The following DOCK8 variants were observed in gnomAD, a reference collection of about 807,000 sequenced individuals.
The protein encoded by DOCK8 is dedicator of cytokinesis protein 8.
DOCK8 carries 141 observed loss-of-function variants against 245.6 expected under a neutral mutation model. The ratio of observed to expected loss-of-function variants is 0.57; its 90% CI spans 0.50 to 0.66. The LOEUF is 0.66. Among genes scored for constraint, DOCK8 ranks in the 30% least tolerant of loss-of-function variants. The probability of loss-of-function intolerance (pLI) is 0.00; values close to 1 mark genes in which losing one functional copy is unlikely to be tolerated. For synonymous variants in DOCK8, 1,168 were observed against 970.2 expected (o/e 1.20, Z -3.79); for missense variants, 2,965 against 2,603.4 (o/e 1.14, Z -3.02).
At chr9:310,231 C>T (rs56273853) in intron 5 of DOCK8, among the ~76,000 whole-genome samples, 1 of 150,282 alleles carries the variant, frequency 6.7e-6, no homozygotes, top group Non-Finnish European at 1.5e-5. Context: ...TGCGCCATTG[C>T]ACTCCAGCCT....
chr9:223,579 T>A (rs962215346), intron 1 of DOCK8, among the ~76,000 whole-genome samples: 8 of 152,106 alleles, frequency 5.3e-5, no homozygotes, highest in Admixed American at 2.6e-4. Context: ...TCTCAGGGAC[T>A]GGAGTACATT....
rs764018298 is a variant in DOCK8 at position 463,730 on chromosome 9, G to A, written c.6239+43G>A. 9 of 1,610,560 alleles carry A rather than the reference G, an allele frequency of 5.6e-6. No homozygotes were observed. The Admixed American group carries it at 1.5e-4, about 27-fold the overall frequency. On this transcript the variant is annotated intron_variant, in intron 47 of 47. Coordinates refer to ENST00000432829, the MANE Select transcript of DOCK8 (RefSeq NM_203447.4). ...GAGGCCTCTTCCTGTGGGATAAAGAGCAGCGCATGGGGCCTAGCACCTTGG... is the reference window on the plus strand; with the variant it reads ...GAGGCCTCTTCCTGTGGGATAAAGAACAGCGCATGGGGCCTAGCACCTTGG...
chr9:446,336 C>T, intron 43 of DOCK8, 34 bp from the exon 44 acceptor site: 1 of 1,577,866 alleles, frequency 6.3e-7, no homozygotes, highest in Non-Finnish European at 8.7e-7. Flanking sequence ...TGCAGAATAG[C>T]TCATCTTCTC....
Position 273,174 on chromosome 9 carries a change from G to C in DOCK8, c.156+1445G>C, listed in dbSNP as rs16926699. ...GTGTTGCGTCATTAATGAAATAGTA[G>C]TACGAAAAACCTATAGCATCTTTTA... On this transcript the variant is annotated intron_variant, in intron 2 of 47. Coordinates refer to ENST00000432829, the MANE Select transcript of DOCK8 (RefSeq NM_203447.4). 1,701 of 884,580 alleles carry C rather than the reference G, an allele frequency of 1.9e-3. 25 individuals carry two copies. The African/African-American group carries it at 0.039, about 20-fold the overall frequency. 54.8% of individuals were successfully genotyped at this position (884,580 alleles called of 1,614,324 possible).
rs527863834 is a variant in DOCK8 at position 390,343 on chromosome 9, A to C, written c.2875-128A>C. 2.7e-4 allele frequency: 230 copies of C among 848,974 alleles called. 3 individuals are homozygous for C. In the South Asian group the frequency reaches 3.3e-3, roughly 12 times the overall value. 52.6% of individuals were successfully genotyped at this position (848,974 alleles called of 1,614,324 possible). ...TGCCATCCACCACTTACTGCCTAGA[A>C]CATCTAAGACACATGCTTCAGGAAC... On this transcript the variant is annotated intron_variant, in intron 23 of 47. Coordinates refer to ENST00000432829, the MANE Select transcript of DOCK8 (RefSeq NM_203447.4).
At chr9:214,773 GCGGAGCCGGCCGTCGCTGCTCCGAGCT>G, upstream of DOCK8, 1 of 1,541,292 alleles carries the variant, frequency 6.5e-7, no homozygotes, top group Non-Finnish European at 8.7e-7. Flanking sequence ...AGGCCGGGTG[GCGGAGCCGGCCGTCGCTGCTCCGAGCT>G]CGGACCCTCC....
In DOCK8 at chr9:446,570, C is replaced by T. The variant is rs138225192; in HGVS notation, c.5781C>T (p.Tyr1927=). The T allele has an allele frequency of 2.2e-4, 357 of 1,614,206 alleles. 2 individuals are homozygous for T. In the African/African-American group the frequency reaches 4.2e-3, roughly 19 times the overall value. Residue 1927 remains tyrosine (Y), a synonymous_variant, in exon 44 of 48, where the codon TAC becomes TAT. Transcript: ENST00000432829. ...TGACCACTATGCACGCCTTCCCCTACATCAAGACCAGGATCAGCGTCATCC... is the reference window on the plus strand; with the variant it reads ...TGACCACTATGCACGCCTTCCCCTATATCAAGACCAGGATCAGCGTCATCC... ...TVLTTMHAFP[Y]IKTRISVIQK...
chr9:404,290 T>A (rs1224087718), intron 26 of DOCK8, among the ~76,000 whole-genome samples: 1 of 152,032 alleles, frequency 6.6e-6, no homozygotes, highest in Non-Finnish European at 1.5e-5. Context: ...GGTTTATTTT[T>A]TAAAGGAAGA....
intron 18 of DOCK8, among the ~76,000 whole-genome samples, chr9:375,483 T>A (rs1407826872): frequency 6.6e-6 from 1 of 152,226 alleles, no homozygotes; most frequent in African/African-American, 2.4e-5. Flanking sequence ...CTCAAAAGTA[T>A]TAAAATTTCA....
chr9:324,209 C>T (rs751221028), intron 7 of DOCK8, among the ~76,000 whole-genome samples: 20 of 152,182 alleles, frequency 1.3e-4, no homozygotes, highest in African/African-American at 3.6e-4. Context: ...TTTCCAAAGG[C>T]GCCATTTGAG....
chr9:395,169 G>A (rs2054388881), intron 24 of DOCK8, among the ~76,000 whole-genome samples: 1 of 152,132 alleles, frequency 6.6e-6, no homozygotes, highest in African/African-American at 2.4e-5. Flanking sequence ...GGCCTTGTGG[G>A]ATATGAAGCC....
intron 1 of DOCK8, among the ~76,000 whole-genome samples, chr9:228,673 G>C (rs1222748468): frequency 6.6e-6 from 1 of 152,096 alleles, no homozygotes; most frequent in African/African-American, 2.4e-5. Flanking sequence ...ACGCTATCCA[G>C]TTTGTGGTAG....
intron 15 of DOCK8, chr9:369,156 C>T (rs1440832047): frequency 9.3e-6 from 1 of 107,178 alleles, no homozygotes; most frequent in Admixed American, 1.1e-4. Flanking sequence ...CTTAATGTCC[C>T]ACCCAAAGAA....
chr9:396,851 T>G lies in DOCK8; in HGVS notation c.3037T>G (p.Ser1013Ala). ...GGACAGTTTTCGGAGGACTCGTTTT[T>G]CTGACCGTTTCATGGATGACATAAC... ...KRDSFRRTRF[S>A]DRFMDDITTI... Residue 1013 changes from serine (S) to alanine (A), a missense_variant, in exon 25 of 48, where the codon TCT becomes GCT. This residue lies in a region of DOCK8 where 2,825 missense variants were observed against 2,453.5 expected (regional missense o/e 1.15). Coordinates refer to ENST00000432829, the MANE Select transcript of DOCK8 (RefSeq NM_203447.4). 1 of 1,614,178 alleles carries G rather than the reference T, an allele frequency of 6.2e-7. No homozygotes were observed. Among genetic ancestry groups the G allele is most frequent in the Non-Finnish European group, 8.5e-7 (1 of 1,180,034 alleles).
chr9:368,820 CTTTTTTTTT>C (rs71314707), intron 15 of DOCK8: 6 of 94,414 alleles, frequency 6.4e-5, no homozygotes, highest in Non-Finnish European at 1.1e-4. Context: ...TTCTTTTTTT[CTTTTTTTTT>C]TTTTTTTTTG....
At chr9:336,432 G>A (rs765991865) in intron 11 of DOCK8, 150 bp from the exon 12 acceptor site, 6 of 1,064,116 alleles carry the variant, frequency 5.6e-6, no homozygotes, top group Non-Finnish European at 8.4e-6. Context: ...AAAGGTAGGG[G>A]CCAATGGAAG....
chr9:296,104 G>C (rs1328548320), intron 4 of DOCK8, among the ~76,000 whole-genome samples: 1 of 152,106 alleles, frequency 6.6e-6, no homozygotes, highest in Non-Finnish European at 1.5e-5. Context: ...CACCAAATTT[G>C]GTGTCCTTGT....
intron 1 of DOCK8, among the ~76,000 whole-genome samples, chr9:251,972 C>CTT (rs34456943): frequency 7.7e-6 from 1 of 130,612 alleles, no homozygotes; most frequent in Admixed American, 7.7e-5. Context: ...ATTGTGTTTT[C>CTT]TTTTTTTTTT....
chr9:211,500 A>G (rs1212612485), upstream of DOCK8, among the ~76,000 whole-genome samples: 1 of 152,168 alleles, frequency 6.6e-6, no homozygotes, highest in Non-Finnish European at 1.5e-5. Flanking sequence ...AGAAGAGGCT[A>G]CAGGCAGTGA....
Sources: allele counts gnomAD v4.1 joint callset (sites outside exome capture counted in the v4.1 genomes callset), GRCh38; gene constraint gnomAD v4.1.1; regional missense constraint gnomAD v4.1.1; transcripts MANE v1.5; gene names NCBI Gene and HGNC (gene_info 2026-07-23, HGNC 2026-07-21).